Variants in RXRA observed in about 807,000 individuals in gnomAD.
RXRA encodes retinoid X receptor alpha.
In RXRA, 5 loss-of-function variants were observed where a neutral mutation model predicts 44.5. That is an observed-to-expected ratio of 0.11 (90% CI 0.06 to 0.24). The LOEUF is 0.24. Ranked by LOEUF, RXRA falls within the 10% of genes least tolerant of loss-of-function variation. The probability of loss-of-function intolerance (pLI) is 1.00; values close to 1 mark genes in which losing one functional copy is unlikely to be tolerated. For synonymous variants in RXRA, 291 were observed against 271.4 expected (o/e 1.07, Z -0.71); for missense variants, 412 against 646.5 (o/e 0.64, Z 3.93).
intron 1 of RXRA, among the ~76,000 whole-genome samples, chr9:134,398,941 A>G (rs748837039): frequency 3.0e-4 from 46 of 152,208 alleles, no homozygotes; most frequent in Non-Finnish European, 5.3e-4. Context: ...TGCAAAGCCA[A>G]TTTGTGCACA....
chr9:134,373,527 G>GT (rs1486106846), intron 1 of RXRA, among the ~76,000 whole-genome samples: 2 of 152,236 alleles, frequency 1.3e-5, no homozygotes, highest in African/African-American at 4.8e-5. Context: ...GGTGGTGTGG[G>GT]TTTTTTTGAC....
At chr9:134,379,166 G>A in intron 1 of RXRA, 1 of 683,078 alleles carries the variant, frequency 1.5e-6, no homozygotes, top group African/African-American at 1.9e-5. Flanking sequence ...CTGCACAGCA[G>A]GACCCGGAAT....
At chr9:134,428,333 G>A (rs1310380578) in intron 6 of RXRA, among the ~76,000 whole-genome samples, 1 of 85,882 alleles carries the variant, frequency 1.2e-5, no homozygotes, top group South Asian at 3.8e-4. Flanking sequence ...GGAACCCCCT[G>A]ATGTTGAGGG....
At chr9:134,333,504 C>T (rs1835040036) in intron 1 of RXRA, among the ~76,000 whole-genome samples, 1 of 152,142 alleles carries the variant, frequency 6.6e-6, no homozygotes, top group Admixed American at 6.5e-5. Context: ...TCTGGAGCCT[C>T]TGGCGCTGAG....
rs914729091 is a variant in RXRA at position 134,433,356 on chromosome 9, A to G, written c.1136-746A>G. Among the ~76,000 whole-genome samples the G allele has an allele frequency of 2.4e-4, 36 of 152,010 alleles. 2 individuals are homozygous for G. Among genetic ancestry groups the G allele is most frequent in the Admixed American group, 6.6e-5 (1 of 15,262 alleles). ...GAGGGTGAGATTGTCTGGCACAAGCAGGGTCCAGGCACAGGCTTGCAGGGA... is the reference window on the plus strand; with the variant it reads ...GAGGGTGAGATTGTCTGGCACAAGCGGGGTCCAGGCACAGGCTTGCAGGGA... On this transcript the variant is annotated intron_variant, in intron 8 of 9. Coordinates refer to ENST00000481739, the MANE Select transcript of RXRA (RefSeq NM_002957.6). This position sits in a 1 kb window ranked among gnomAD's most constrained non-coding sequence, Gnocchi z 4.2.
chr9:134,418,629 C>A (rs1208612052), intron 5 of RXRA, among the ~76,000 whole-genome samples: 1 of 152,170 alleles, frequency 6.6e-6, no homozygotes, highest in Non-Finnish European at 1.5e-5. Flanking sequence ...AGCTGAGGTA[C>A]CTCCGGCCTT....
At chr9:134,410,885 C>T (rs1347557029) in intron 4 of RXRA, among the ~76,000 whole-genome samples, 1 of 152,184 alleles carries the variant, frequency 6.6e-6, no homozygotes, top group African/African-American at 2.4e-5. Context: ...GGGCCTGCAG[C>T]AGTAAGCTCG....
At chr9:134,397,014 T>C (rs1830890253) in intron 1 of RXRA, among the ~76,000 whole-genome samples, 1 of 152,174 alleles carries the variant, frequency 6.6e-6, no homozygotes, top group African/African-American at 2.4e-5. Flanking sequence ...CCTGCCACCT[T>C]CTCTGCCTCC....
At chr9:134,392,519 C>G (rs573902984) in intron 1 of RXRA, among the ~76,000 whole-genome samples, 1 of 152,188 alleles carries the variant, frequency 6.6e-6, no homozygotes, top group Non-Finnish European at 1.5e-5. Flanking sequence ...GCTGGACAGG[C>G]CTGGCCCCAG....
intron 6 of RXRA, among the ~76,000 whole-genome samples, chr9:134,427,490 A>G (rs1831454593): frequency 1.3e-5 from 2 of 152,154 alleles, no homozygotes; most frequent in Non-Finnish European, 2.9e-5. Context: ...GTGATGGGGC[A>G]CAGACCCCAC....
chr9:134,373,562 C>G (rs910378939), intron 1 of RXRA, among the ~76,000 whole-genome samples: 5 of 152,236 alleles, frequency 3.3e-5, no homozygotes, highest in Non-Finnish European at 5.9e-5. Context: ...CTATCACCCT[C>G]CCTGGGCCTA....
chr9:134,334,394 G>T (rs1487748858), intron 1 of RXRA, among the ~76,000 whole-genome samples: 1 of 152,268 alleles, frequency 6.6e-6, no homozygotes, highest in Non-Finnish European at 1.5e-5. Flanking sequence ...CTGGCAGGCC[G>T]CATCCAGCTC....
chr9:134,415,910 C>T (rs1415792926), intron 4 of RXRA, among the ~76,000 whole-genome samples: 4 of 152,234 alleles, frequency 2.6e-5, no homozygotes, highest in Non-Finnish European at 5.9e-5. Context: ...GGTTTACTCA[C>T]TTAGACCAGT....
intron 8 of RXRA, among the ~76,000 whole-genome samples, chr9:134,432,440 G>C (rs921657193): frequency 3.9e-5 from 6 of 152,252 alleles, no homozygotes; most frequent in African/African-American, 9.6e-5. Context: ...CTCGGGTCCA[G>C]GGTGTTTCTG....
chr9:134,375,156 A>G (rs1207319296), intron 1 of RXRA, among the ~76,000 whole-genome samples: 1 of 152,196 alleles, frequency 6.6e-6, no homozygotes, highest in Non-Finnish European at 1.5e-5. Flanking sequence ...GTGAGCCAGG[A>G]AACAGGTGGA....
At chr9:134,376,516 C>G (rs1468057468) in intron 1 of RXRA, among the ~76,000 whole-genome samples, 1 of 33,698 alleles carries the variant, frequency 3.0e-5, no homozygotes, top group African/African-American at 9.1e-5. Context: ...TCAGGCAGCC[C>G]TGGGCTCATG....
chr9:134,408,809 A>G, intron 3 of RXRA, 131 bp from the exon 4 acceptor site: 1 of 824,242 alleles, frequency 1.2e-6, no homozygotes, highest in Non-Finnish European at 1.9e-6. Flanking sequence ...GAGCCCAGGC[A>G]GGGGTCTGGA....
intron 5 of RXRA, among the ~76,000 whole-genome samples, chr9:134,420,686 G>A (rs1054247608): frequency 2.0e-5 from 3 of 152,212 alleles, no homozygotes; most frequent in African/African-American, 7.2e-5. Flanking sequence ...AGGGATCCCC[G>A]AATCCTATTC....
chr9:134,343,682 G>A lies in RXRA; in HGVS notation c.28+17023G>A, dbSNP rs532465338. Reference sequence around the variant, plus strand: ...TTGCTCAGTGGCCAGAGGAGAGACCGTGTGCACTTGGTGGACTGCCACGGG... The same window carrying A: ...TTGCTCAGTGGCCAGAGGAGAGACCATGTGCACTTGGTGGACTGCCACGGG... On this transcript the variant is annotated intron_variant, in intron 1 of 9. Coordinates refer to ENST00000481739, the MANE Select transcript of RXRA (RefSeq NM_002957.6). This position sits in a 1 kb window ranked among gnomAD's most constrained non-coding sequence, Gnocchi z 4.1. Among the ~76,000 whole-genome samples the A allele has an allele frequency of 1.3e-5, 2 of 152,256 alleles. No homozygotes were observed. The highest frequency in any genetic ancestry group is 1.9e-4 in the East Asian group (1 of 5,180).
Sources: allele counts gnomAD v4.1 joint callset (sites outside exome capture counted in the v4.1 genomes callset), GRCh38; gene constraint gnomAD v4.1.1; non-coding constraint Gnocchi (gnomAD v3.1); transcripts MANE v1.5; gene names NCBI Gene and HGNC (gene_info 2026-07-23, HGNC 2026-07-21).